CMIP: variants seen among roughly 807,000 people sequenced by gnomAD.
CMIP encodes the protein c-Maf inducing protein, also known as C-Maf-inducing protein.
A neutral mutation model predicts 97.3 loss-of-function variants in CMIP; 13 were observed. The ratio of observed to expected loss-of-function variants is 0.13; its 90% CI spans 0.09 to 0.21. CMIP has a LOEUF of 0.21. Among genes scored for constraint, CMIP ranks in the 10% least tolerant of loss-of-function variants. The pLI is 1.00. For synonymous variants in CMIP, 538 were observed against 436.3 expected, an observed-to-expected ratio of 1.23 and a Z score of -2.91; for missense variants, 847 against 1,024.9, an observed-to-expected ratio of 0.83 and a Z score of 2.37.
At chr16:81,446,844 T>TCCCCCAC (rs1472785115) in intron 1 of CMIP, among the ~76,000 whole-genome samples, 3 of 125,702 alleles carry the variant, frequency 2.4e-5, no homozygotes, top group African/African-American at 9.1e-5. Flanking sequence ...TTTGAACCAG[T>TCCCCCAC]CCCCCACCCC....
chr16:81,482,159 A>C (rs1158975265), intron 1 of CMIP, among the ~76,000 whole-genome samples: 5 of 152,090 alleles, frequency 3.3e-5, no homozygotes, highest in Non-Finnish European at 5.9e-5. Flanking sequence ...GATTATAGGC[A>C]TGAGCTACCG....
chr16:81,683,494 A>G (rs1377432732), intron 10 of CMIP, among the ~76,000 whole-genome samples: 4 of 152,128 alleles, frequency 2.6e-5, no homozygotes, highest in Non-Finnish European at 4.4e-5. Flanking sequence ...GGTTCAAGCC[A>G]TTCTCCTGCC....
chr16:81,538,300 G>A (rs916074718), intron 1 of CMIP, among the ~76,000 whole-genome samples: 4 of 152,286 alleles, frequency 2.6e-5, no homozygotes, highest in Middle Eastern at 3.4e-3. Flanking sequence ...AGACATAGGC[G>A]GCCCCCGGCG....
intron 17 of CMIP, 184 bp from the exon 18 acceptor site, chr16:81,703,755 T>C: frequency 1.4e-6 from 1 of 721,494 alleles, no homozygotes. Context: ...AGCCCCTCCC[T>C]CTCTGGCCAC....
intron 1 of CMIP, among the ~76,000 whole-genome samples, chr16:81,505,887 C>A (rs1489436383): frequency 6.6e-6 from 1 of 152,160 alleles, no homozygotes; most frequent in Non-Finnish European, 1.5e-5. Context: ...CCCAGCTATT[C>A]GGGAGGCTGA....
intron 3 of CMIP, among the ~76,000 whole-genome samples, chr16:81,640,010 C>T (rs918431277): frequency 2.0e-5 from 3 of 152,096 alleles, no homozygotes; most frequent in African/African-American, 7.2e-5. Context: ...AGCTTGGGGC[C>T]GGAATCCTCC....
At chr16:81,610,383 G>T (rs542023651) in intron 2 of CMIP, 4 of 985,538 alleles carry the variant, frequency 4.1e-6, no homozygotes, top group Non-Finnish European at 2.4e-6. Flanking sequence ...CCCTGATCCC[G>T]TGGACAGCGC....
At chr16:81,567,219 G>C (rs1037240574) in intron 1 of CMIP, among the ~76,000 whole-genome samples, 1 of 152,264 alleles carries the variant, frequency 6.6e-6, no homozygotes, top group Non-Finnish European at 1.5e-5. Flanking sequence ...GCCGCCTGGC[G>C]GAAACCCCGC....
intron 1 of CMIP, among the ~76,000 whole-genome samples, chr16:81,512,069 A>T (rs2089822655): frequency 1.3e-5 from 2 of 152,226 alleles, no homozygotes; most frequent in South Asian, 4.1e-4. Flanking sequence ...TATATTTGAT[A>T]TATTGGGTTA....
intron 1 of CMIP, among the ~76,000 whole-genome samples, chr16:81,562,356 C>G (rs1297932418): frequency 6.6e-6 from 1 of 152,244 alleles, no homozygotes; most frequent in Non-Finnish European, 1.5e-5. Context: ...TTAGTCCTGA[C>G]AAGGGGGCCC....
At chr16:81,668,216 T>C (rs757957989) in intron 7 of CMIP, among the ~76,000 whole-genome samples, 1 of 152,132 alleles carries the variant, frequency 6.6e-6, no homozygotes, top group Non-Finnish European at 1.5e-5. Context: ...CAGGCTCCCC[T>C]CCGTGGTCAG....
chr16:81,693,513 G>A lies in CMIP; in HGVS notation c.1530+26G>A. 1.9e-6 allele frequency: 3 copies of A among 1,604,766 alleles called. No homozygotes were observed. The South Asian group carries it at 3.3e-5, about 18-fold the overall frequency. ...GTGAGGCCTTTGTTTCTGCATCTCA[G>A]GCCGGCTGTCTGGGGATGGCAGGAT... On this transcript the variant is annotated intron_variant, in intron 13 of 20. Transcript: ENST00000537098.
rs78869523 is a variant in CMIP, at chr16:81,491,378, G to A, written c.300+45837G>A. ...GAGTCCTCGTTTTCTTGGTAAAAAC[G>A]GGGTTAGTAAAACTCCCTGCCCTGC... is the stretch of plus-strand genomic sequence containing the variant. On this transcript the variant is annotated intron_variant, in intron 1 of 20. Coordinates refer to ENST00000537098, the MANE Select transcript of CMIP (RefSeq NM_198390.3). Among the ~76,000 whole-genome samples, 822 of 152,272 alleles carry A rather than the reference G, an allele frequency of 5.4e-3. 8 individuals carry two copies. The highest frequency in any genetic ancestry group is 0.019 in the African/African-American group (782 of 41,554).
At chr16:81,626,057 C>G (rs1220886903) in intron 3 of CMIP, among the ~76,000 whole-genome samples, 2 of 152,260 alleles carry the variant, frequency 1.3e-5, no homozygotes, top group African/African-American at 4.8e-5. Context: ...GCTGCCTGCC[C>G]TGGCCACGCT....
At chr16:81,687,794 T>G (rs928784796) in intron 10 of CMIP, among the ~76,000 whole-genome samples, 2 of 152,114 alleles carry the variant, frequency 1.3e-5, no homozygotes, top group African/African-American at 4.8e-5. Flanking sequence ...AACTCCCTCT[T>G]TATGAAGCTG....
chr16:81,694,852 G>A (rs768633589), intron 13 of CMIP, among the ~76,000 whole-genome samples: 42 of 152,202 alleles, frequency 2.8e-4, no homozygotes, highest in Non-Finnish European at 4.6e-4. Context: ...TTCCCTAAGT[G>A]TTCCTCAGGC....
intron 14 of CMIP, chr16:81,697,865 TCTCAGGGCC>T (rs956262535): frequency 3.9e-5 from 6 of 152,428 alleles, no homozygotes; most frequent in African/African-American, 1.4e-4. Flanking sequence ...ACCCCAGGCC[TCTCAGGGCC>T]CTGCGCATCT....
intron 7 of CMIP, among the ~76,000 whole-genome samples, chr16:81,668,748 C>A (rs766253619): frequency 7.9e-5 from 12 of 152,056 alleles, no homozygotes; most frequent in Non-Finnish European, 1.5e-4. Context: ...TGGTGCCCAA[C>A]TCCTCATTGC....
chr16:81,496,495 A>G (rs560798181), intron 1 of CMIP, among the ~76,000 whole-genome samples: 1 of 152,362 alleles, frequency 6.6e-6, no homozygotes, highest in East Asian at 1.9e-4. Context: ...TTAAAATTTC[A>G]GCCTTTCAGC....
Sources: gnomAD v4.1 joint callset for allele counts (sites outside exome capture counted in the v4.1 genomes callset) on GRCh38, gnomAD v4.1.1 for gene constraint, MANE v1.5 for transcripts, NCBI Gene and HGNC (gene_info 2026-07-23, HGNC 2026-07-21) for gene names.